The following RASSF2 variants were observed in gnomAD, a reference collection of about 807,000 sequenced individuals.
RASSF2 encodes ras association domain-containing protein 2.
RASSF2 carries 34 observed loss-of-function variants against 46.3 expected under a neutral mutation model. The ratio of observed to expected loss-of-function variants is 0.73; its 90% confidence interval spans 0.56 to 0.98. The LOEUF is 0.98. Among genes scored for constraint, RASSF2 ranks in the 50% least tolerant of loss-of-function variants. The probability of loss-of-function intolerance (pLI) is 0.00; values close to 1 mark genes in which losing one functional copy is unlikely to be tolerated. For synonymous variants in RASSF2, 158 were observed against 162.5 expected, an observed-to-expected ratio of 0.97 and a Z score of 0.21; for missense variants, 364 against 431.2, an observed-to-expected ratio of 0.84 and a Z score of 1.38.
At chr20:4,803,284 G>A (rs533243103) in intron 2 of RASSF2, among the ~76,000 whole-genome samples, 6 of 152,118 alleles carry the variant, frequency 3.9e-5, no homozygotes, top group South Asian at 2.1e-4. Context: ...AGAAGGATTC[G>A]ACCTCCTGGA....
chr20:4,787,829 A>AAGGGGCT (rs3835262), intron 9 of RASSF2, 75 bp from the exon 10 acceptor site: 2 of 1,588,914 alleles, frequency 1.3e-6, no homozygotes, highest in Non-Finnish European at 1.7e-6. Flanking sequence ...CAGGGGTCCA[A>AAGGGGCT]AGGCACCTTA....
At position 4,786,344 on chromosome 20, in the gene RASSF2, C is replaced by G; in HGVS notation, c.814-16G>C. The G allele has an allele frequency of 6.4e-7, 1 of 1,558,586 alleles. No individual in the cohort carries two copies. Among genetic ancestry groups the G allele is most frequent in the Non-Finnish European group, 8.9e-7 (1 of 1,129,602 alleles). The stretch of plus-strand genomic sequence containing the variant: ...ACTGGGCCACCTAGAGAGAAAGAAG[C>G]AAGTCTGGGTGAATGCCCTTCCCAG... On this transcript the variant is annotated splice_polypyrimidine_tract_variant and intron_variant, in intron 10 of 11. Transcript: ENST00000379400.
intron 11 of RASSF2, among the ~76,000 whole-genome samples, chr20:4,785,498 AG>A (rs1358040322): frequency 6.6e-6 from 1 of 152,252 alleles, no homozygotes; most frequent in African/African-American, 2.4e-5. Flanking sequence ...TATCTATGAA[AG>A]GCAGTCTCTT....
At chr20:4,807,374 T>G (rs1306527902) in intron 2 of RASSF2, among the ~76,000 whole-genome samples, 1 of 148,964 alleles carries the variant, frequency 6.7e-6, no homozygotes, top group Non-Finnish European at 1.5e-5. Context: ...AAAGGCAAAT[T>G]GAAAACTGGG....
In RASSF2 at chr20:4,787,781, C is replaced by T. The variant is rs538153313; in HGVS notation, c.692-27G>A. 7 of 1,613,864 alleles carry T rather than the reference C, an allele frequency of 4.3e-6. No homozygotes were observed. The South Asian group carries it at 5.5e-5, about 13-fold the overall frequency. ...TGCAACCACACACACCCAGGAGCAG[C>T]CCTGAGAGGCCTTTCTCACATTAAG... On this transcript the variant is annotated intron_variant, in intron 9 of 11. Coordinates refer to ENST00000379400, the MANE Select transcript of RASSF2 (RefSeq NM_014737.3).
intron 2 of RASSF2, among the ~76,000 whole-genome samples, chr20:4,804,152 G>A (rs1927141066): frequency 6.6e-6 from 1 of 152,034 alleles, no homozygotes; most frequent in Non-Finnish European, 1.5e-5. Context: ...GTTACCATGG[G>A]TGATTCCATT....
intron 4 of RASSF2, 28 bp downstream of exon 4, chr20:4,797,982 A>G (rs1399993450): frequency 6.2e-7 from 1 of 1,612,724 alleles, no homozygotes; most frequent in South Asian, 1.1e-5. Context: ...GGACTAGCCA[A>G]TCAGGGCCGT....
At chr20:4,788,756 T>TG (rs1468450913) in intron 8 of RASSF2, among the ~76,000 whole-genome samples, 1 of 152,268 alleles carries the variant, frequency 6.6e-6, no homozygotes, top group East Asian at 1.9e-4. Context: ...GTCGTATATG[T>TG]GGTGCATCAT....
intron 2 of RASSF2, among the ~76,000 whole-genome samples, chr20:4,813,718 A>G (rs1928043557): frequency 6.6e-6 from 1 of 152,200 alleles, no homozygotes; most frequent in Non-Finnish European, 1.5e-5. Flanking sequence ...TCCAGAAAAA[A>G]GCAGCTGTGT....
intron 2 of RASSF2, among the ~76,000 whole-genome samples, chr20:4,806,556 C>T (rs765272119): frequency 1.3e-5 from 2 of 152,154 alleles, no homozygotes; most frequent in Non-Finnish European, 2.9e-5. Context: ...GCGATCCTCC[C>T]GCCTCAGCCT....
At chr20:4,786,054 A>G (rs1364424693) in intron 11 of RASSF2, among the ~76,000 whole-genome samples, 177 bp downstream of exon 11, 1 of 152,188 alleles carries the variant, frequency 6.6e-6, no homozygotes, top group Non-Finnish European at 1.5e-5. Context: ...GTAGATGAAC[A>G]CACTTAACTG....
Position 4,787,622 on chromosome 20 carries a change from AGGGAACTCAC to A in RASSF2, c.813+1_813+10del. The stretch of plus-strand genomic sequence containing the variant: ...CCTGAGGACAGATCGCCTGACCCAA[AGGGAACTCAC>A]GTCGTAGGTGACTTCCTCCACCTGG... On this transcript the variant is annotated splice_donor_variant and splice_donor_5th_base_variant and intron_variant, in intron 10 of 11. Coordinates refer to ENST00000379400, the MANE Select transcript of RASSF2 (RefSeq NM_014737.3). LOFTEE classifies it high-confidence loss of function. The A allele has an allele frequency of 6.2e-7, 1 of 1,614,134 alleles. No homozygotes were observed. Among genetic ancestry groups the A allele is most frequent in the Non-Finnish European group, 8.5e-7 (1 of 1,179,998 alleles).
chr20:4,813,659 G>C (rs73593106), intron 2 of RASSF2, among the ~76,000 whole-genome samples: 5,511 of 152,340 alleles, frequency 0.036, 323 homozygotes, highest in African/African-American at 0.12. Context: ...AATCAGAGAG[G>C]CAGGGCGCTG....
rs1475025044 is a variant in RASSF2 at position 4,822,368 on chromosome 20, C to G, written c.-72G>C. On this transcript the variant is annotated 5_prime_UTR_variant, in exon 2 of 12. Coordinates refer to ENST00000379400, the MANE Select transcript of RASSF2 (RefSeq NM_014737.3). ...GCCGTAGACACAGCCTTTGCTCTCC[C>G]GAAAAACACGTTCTAGGCGCCGGGA... The G allele has an allele frequency of 1.3e-5, 2 of 152,178 alleles. No individual in the cohort carries two copies. The highest frequency in any genetic ancestry group is 2.9e-5 in the Non-Finnish European group (2 of 68,046). The allele number at this position is 152,178 out of a possible 1,614,324, so 9.4% of individuals were successfully genotyped here.
chr20:4,783,435 A>G lies in RASSF2; in HGVS notation c.*838T>C, dbSNP rs1207746126. 6.6e-6 allele frequency: 1 copy of G among 152,566 alleles called. No individual in the cohort carries two copies. The highest frequency in any genetic ancestry group is 2.4e-5 in the African/African-American group (1 of 41,466). 9.5% of individuals were successfully genotyped at this position (152,566 alleles called of 1,614,324 possible). On this transcript the variant is annotated 3_prime_UTR_variant, in exon 12 of 12. Transcript: ENST00000379400. ...ATTTCCTTCCACTCAAGGAAGCGCC[A>G]TAGAGACAGGCTGTCAGCTGGGTAC...
At chr20:4,808,064 A>G (rs1441130010) in intron 2 of RASSF2, among the ~76,000 whole-genome samples, 5 of 152,206 alleles carry the variant, frequency 3.3e-5, no homozygotes, top group African/African-American at 1.2e-4. Flanking sequence ...TCCTCACACA[A>G]GGAAGGTCAG....
chr20:4,787,837 T>A (rs2122434996), intron 9 of RASSF2, 83 bp from the exon 10 acceptor site: 1 of 700,972 alleles, frequency 1.4e-6, no homozygotes, highest in Non-Finnish European at 2.0e-6. Flanking sequence ...CAAAGGCACC[T>A]TAGGAGATGC....
At chr20:4,785,442 A>G (rs1479172596) in intron 11 of RASSF2, among the ~76,000 whole-genome samples, 1 of 152,250 alleles carries the variant, frequency 6.6e-6, no homozygotes, top group Non-Finnish European at 1.5e-5. Context: ...CAAATCCAGC[A>G]GCGGCTTTAT....
At position 4,786,427 on chromosome 20, in the gene RASSF2, C is replaced by T; in HGVS notation, c.814-99G>A. The T allele has an allele frequency of 1.0e-5, 11 of 1,065,556 alleles. No individual in the cohort carries two copies. In the South Asian group the frequency reaches 1.3e-4, roughly 12 times the overall value. 66.0% of individuals were successfully genotyped at this position (1,065,556 alleles called of 1,614,324 possible). A position where few individuals can be genotyped will look rare whatever the true frequency, so the allele number is the denominator to read the frequency against. ...TACAAGGCACAAAGCCTTGGGAAGT[C>T]TATTTTTTTCAGAAACCCAGGATTT... On this transcript the variant is annotated intron_variant, in intron 10 of 11. Transcript: ENST00000379400.
Sources: gnomAD v4.1 joint callset for allele counts (sites outside exome capture counted in the v4.1 genomes callset) on GRCh38, gnomAD v4.1.1 for gene constraint, MANE v1.5 for transcripts, NCBI Gene and HGNC (gene_info 2026-07-23, HGNC 2026-07-21) for gene names.